The following GRIP1 variants were observed in gnomAD, a reference collection of about 807,000 sequenced individuals.
GRIP1 encodes the protein glutamate receptor interacting protein 1, also known as glutamate receptor-interacting protein 1.
Under a neutral mutation model 129.9 loss-of-function variants are expected in GRIP1, and 45 were observed. The observed-to-expected ratio is 0.35, with a 90% CI of 0.27 to 0.44. The LOEUF (loss-of-function observed/expected upper bound fraction) is 0.44, where lower values mean the gene tolerates loss of function less well. Among genes scored for constraint, GRIP1 ranks in the 20% least tolerant of loss-of-function variants. The pLI is 1.00. For synonymous variants in GRIP1, 530 were observed against 520.8 expected (o/e 1.02, Z -0.24); for missense variants, 1,196 against 1,396.8 (o/e 0.86, Z 2.29).
intron 1 of GRIP1, among the ~76,000 whole-genome samples, chr12:66,613,704 A>G (rs2064914499): frequency 6.6e-6 from 1 of 152,200 alleles, no homozygotes; most frequent in African/African-American, 2.4e-5. Flanking sequence ...ATCATCTCCC[A>G]GCTAGGAAGA....
At chr12:66,449,454 C>G (rs1285534649) in intron 11 of GRIP1, among the ~76,000 whole-genome samples, 1 of 152,132 alleles carries the variant, frequency 6.6e-6, no homozygotes, top group East Asian at 1.9e-4. Flanking sequence ...GAAAAAAAAT[C>G]GACTTTTCCT....
chr12:66,509,643 T>C (rs2060636820), intron 7 of GRIP1, among the ~76,000 whole-genome samples: 1 of 152,152 alleles, frequency 6.6e-6, no homozygotes, highest in South Asian at 2.1e-4. Context: ...TCATGTCCTT[T>C]GCAGGAACAT....
chr12:66,620,124 G>A (rs1030124466), intron 1 of GRIP1, among the ~76,000 whole-genome samples: 7 of 152,180 alleles, frequency 4.6e-5, no homozygotes, highest in African/African-American at 1.7e-4. Flanking sequence ...GTGGAGCAGA[G>A]ATTCAAACTC....
chr12:66,768,634 T>C (rs550636127), intron 1 of GRIP1, among the ~76,000 whole-genome samples: 1 of 152,330 alleles, frequency 6.6e-6, no homozygotes, highest in South Asian at 2.1e-4. Context: ...ACCTTTTCCA[T>C]GCACAGGTCA....
chr12:66,931,066 G>A (rs61918784), intron 1 of GRIP1, among the ~76,000 whole-genome samples: 7,455 of 152,224 alleles, frequency 0.049, 316 homozygotes, highest in East Asian at 0.16. Context: ...GTTGTTTTCC[G>A]AACTTACTGT....
chr12:66,552,535 AT>A (rs2062176016), intron 2 of GRIP1, among the ~76,000 whole-genome samples: 1 of 152,186 alleles, frequency 6.6e-6, no homozygotes, highest in Non-Finnish European at 1.5e-5. Flanking sequence ...GGGTCCTTTC[AT>A]TAGGCCGAAC....
intron 1 of GRIP1, among the ~76,000 whole-genome samples, chr12:66,723,510 A>G (rs1180993619): frequency 6.6e-6 from 1 of 151,352 alleles, no homozygotes; most frequent in Non-Finnish European, 1.5e-5. Flanking sequence ...ATGGGGTTTC[A>G]CTATGTTGGC....
chr12:66,892,495 T>C (rs1234345202), intron 1 of GRIP1, among the ~76,000 whole-genome samples: 3 of 152,160 alleles, frequency 2.0e-5, no homozygotes, highest in East Asian at 1.9e-4. Context: ...TACATAACCA[T>C]AGTACATCAC....
intron 19 of GRIP1, among the ~76,000 whole-genome samples, chr12:66,386,907 G>C (rs919789188): frequency 2.0e-5 from 3 of 152,218 alleles, no homozygotes; most frequent in Non-Finnish European, 4.4e-5. Flanking sequence ...TGCAAAGACA[G>C]TTCTCTCTTC....
intron 1 of GRIP1, among the ~76,000 whole-genome samples, chr12:67,057,493 A>G (rs2043458418): frequency 6.6e-6 from 1 of 152,020 alleles, no homozygotes; most frequent in Non-Finnish European, 1.5e-5. Flanking sequence ...TACTGTGGAA[A>G]CCTGGGAAGA....
intron 1 of GRIP1, among the ~76,000 whole-genome samples, chr12:66,693,452 C>T (rs989984856): frequency 1.3e-5 from 2 of 152,140 alleles, no homozygotes; most frequent in Non-Finnish European, 2.9e-5. Flanking sequence ...CCAGGTCACC[C>T]CAGTCCCCAC....
intron 5 of GRIP1, among the ~76,000 whole-genome samples, chr12:66,527,274 C>G (rs533776271): frequency 8.5e-4 from 129 of 150,972 alleles, no homozygotes; most frequent in African/African-American, 3.1e-3. Context: ...TTGGAACCAA[C>G]CCAAATGTCC....
At chr12:66,557,437 C>T (rs1290474445) in intron 2 of GRIP1, among the ~76,000 whole-genome samples, 3 of 152,150 alleles carry the variant, frequency 2.0e-5, no homozygotes, top group African/African-American at 7.2e-5. Context: ...AACAAAGAAA[C>T]AATGGACTTA....
intron 1 of GRIP1, among the ~76,000 whole-genome samples, chr12:66,891,538 C>T (rs1181388807): frequency 6.6e-6 from 1 of 152,156 alleles, no homozygotes; most frequent in Non-Finnish European, 1.5e-5. Flanking sequence ...CCGAAGAATA[C>T]AAAGTAGAAG....
chr12:66,825,604 T>C (rs1287572127), intron 1 of GRIP1, among the ~76,000 whole-genome samples: 3 of 152,202 alleles, frequency 2.0e-5, no homozygotes, highest in Admixed American at 6.6e-5. Context: ...GGGCATAATA[T>C]AGTACCTTCA....
chr12:66,532,152 G>A (rs1318392386), intron 4 of GRIP1, among the ~76,000 whole-genome samples: 1 of 152,150 alleles, frequency 6.6e-6, no homozygotes, highest in Non-Finnish European at 1.5e-5. Context: ...AGATAAATTT[G>A]AATGTTGACT....
chr12:66,861,138 C>CT (rs1444252319), intron 1 of GRIP1, among the ~76,000 whole-genome samples: 1 of 152,082 alleles, frequency 6.6e-6, no homozygotes, highest in Non-Finnish European at 1.5e-5. Flanking sequence ...TACTATACCT[C>CT]TTCTAGAGGG....
intron 1 of GRIP1, among the ~76,000 whole-genome samples, chr12:66,631,031 G>A (rs1399598989): frequency 1.3e-5 from 2 of 152,064 alleles, no homozygotes; most frequent in Non-Finnish European, 2.9e-5. Flanking sequence ...CGCCTCCCAG[G>A]TTCAAACGAT....
intron 1 of GRIP1, among the ~76,000 whole-genome samples, chr12:66,617,739 G>T (rs2065104491): frequency 1.3e-5 from 2 of 148,192 alleles, no homozygotes; most frequent in Admixed American, 1.4e-4. Context: ...GAAATTCACA[G>T]AAAAAGAAAT....
Sources: gnomAD v4.1 joint callset for allele counts (sites outside exome capture counted in the v4.1 genomes callset) on GRCh38, gnomAD v4.1.1 for gene constraint, MANE v1.5 for transcripts, NCBI Gene and HGNC (gene_info 2026-07-23, HGNC 2026-07-21) for gene names.